Variants in RARRES1 observed in about 807,000 individuals in gnomAD.
RARRES1 encodes retinoic acid receptor responder protein 1.
In RARRES1, 34 loss-of-function variants were observed where a neutral mutation model predicts 30.6. The ratio of observed to expected loss-of-function variants is 1.11; its 90% confidence interval spans 0.84 to 1.48. The LOEUF (loss-of-function observed/expected upper bound fraction) is 1.48, where lower values mean the gene tolerates loss of function less well. Ranked by LOEUF, RARRES1 falls within the 40% of genes most tolerant of loss-of-function variation. The pLI is 0.00. For synonymous variants in RARRES1, 153 were observed against 155.5 expected, an observed-to-expected ratio of 0.98 and a Z score of 0.12; for missense variants, 373 against 386.5, an observed-to-expected ratio of 0.97 and a Z score of 0.29.
intron 4 of RARRES1, among the ~76,000 whole-genome samples, chr3:158,704,014 G>A (rs879897539): frequency 2.0e-5 from 3 of 151,792 alleles, no homozygotes; most frequent in Admixed American, 6.6e-5. Context: ...TTCCCCAATC[G>A]GTAAATGAAA....
intron 1 of RARRES1, among the ~76,000 whole-genome samples, chr3:158,728,536 G>GTTTTTTTTTT (rs1553746148): frequency 6.4e-5 from 9 of 141,716 alleles, no homozygotes; most frequent in African/African-American, 2.2e-4. Flanking sequence ...TTTTTTTTTG[G>GTTTTTTTTTT]TTTTTGAGAC....
chr3:158,713,717 A>C, intron 2 of RARRES1, 80 bp downstream of exon 2: 2 of 1,341,664 alleles, frequency 1.5e-6, no homozygotes, highest in African/African-American at 1.5e-5. Flanking sequence ...AGATCACTAT[A>C]TATTAAGATT....
chr3:158,732,264 T>C lies in RARRES1; in HGVS notation c.152A>G (p.Asp51Gly), dbSNP rs1727931732. The C allele has an allele frequency of 1.5e-6, 2 of 1,366,886 alleles. No individual in the cohort carries two copies. The highest frequency in any genetic ancestry group is 1.9e-6 in the Non-Finnish European group (2 of 1,070,466). 84.7% of individuals were successfully genotyped at this position (1,366,886 alleles called of 1,614,324 possible). The change falls in exon 1 of 6, where the codon GAT (aspartate) becomes GGT (glycine). Residue 51 changes from aspartate to glycine, a missense_variant. Transcript: ENST00000237696. Reference sequence around the variant, plus strand: ...CAGGAGCCTGCGCGGGACCCCAGCATCCTGAGGCTGCCCAGGGTCGTCGGG... The same window carrying C: ...CAGGAGCCTGCGCGGGACCCCAGCACCCTGAGGCTGCCCAGGGTCGTCGGG... ...GDPDDPGQPQ[D>G]AGVPRRLLQQ...
At chr3:158,714,626 G>A (rs910834447) in intron 1 of RARRES1, among the ~76,000 whole-genome samples, 1 of 152,228 alleles carries the variant, frequency 6.6e-6, no homozygotes. Flanking sequence ...TAAAACTGTT[G>A]AATTGATTTC....
intron 3 of RARRES1, among the ~76,000 whole-genome samples, chr3:158,708,704 G>T (rs186458250): frequency 1.8e-3 from 267 of 151,352 alleles, no homozygotes; most frequent in Non-Finnish European, 2.8e-3. Flanking sequence ...TCGCTCTGTT[G>T]CCCAGGCTGG....
At chr3:158,730,638 G>A (rs1008120916) in intron 1 of RARRES1, among the ~76,000 whole-genome samples, 1 of 151,874 alleles carries the variant, frequency 6.6e-6, no homozygotes, top group African/African-American at 2.4e-5. Context: ...TTTTGGCAGA[G>A]ATGGTACTTT....
Position 158,732,284 on chromosome 3 carries a change from G to C in RARRES1, c.132C>G (p.Asp44Glu). The C allele has an allele frequency of 7.4e-7, 1 of 1,349,096 alleles. No individual in the cohort carries two copies. The highest frequency in any genetic ancestry group is 9.4e-7 in the Non-Finnish European group (1 of 1,061,006). 83.6% of individuals were successfully genotyped at this position (1,349,096 alleles called of 1,614,324 possible). The change falls in exon 1 of 6, where the codon GAC (aspartate) becomes GAG (glutamate). Residue 44 changes from aspartate (D) to glutamate (E), a missense_variant. By Grantham distance (45) the Asp-to-Glu change is conservative. Coordinates refer to ENST00000237696, the MANE Select transcript of RARRES1 (RefSeq NM_206963.2). ...VAAPAGSGDP[D>E]DPGQPQDAGV... is the part of the protein sequence containing the mutation. ...CAGCATCCTGAGGCTGCCCAGGGTC[G>C]TCGGGGTCCCCGGACCCCGCGGGCG...
At chr3:158,728,142 T>G (rs1002479700) in intron 1 of RARRES1, among the ~76,000 whole-genome samples, 8 of 152,102 alleles carry the variant, frequency 5.3e-5, no homozygotes, top group Admixed American at 2.6e-4. Context: ...CTGAAACACA[T>G]TTGGAGACAC....
rs7609656 is a variant in RARRES1 at position 158,732,362 on chromosome 3, C to T, written c.54G>A (p.Pro18=). 267,839 of 1,465,298 alleles carry T rather than the reference C, an allele frequency of 0.18. 26,097 individuals are homozygous for T. Among genetic ancestry groups the T allele is most frequent in the African/African-American group, 0.29 (19,317 of 67,652 alleles). 90.8% of individuals were successfully genotyped at this position (1,465,298 alleles called of 1,614,324 possible). The change falls in exon 1 of 6, where the codon CCG becomes CCA. Residue 18 remains proline, a synonymous_variant. Coordinates refer to ENST00000237696, the MANE Select transcript of RARRES1 (RefSeq NM_206963.2). The part of the protein sequence containing the change: ...LPAPWSGPRG[P]RPTAPLLALL... ...GCGCGAGCAGCGGGGCGGTGGGGCG[C>T]GGGCCCCTGGGCCCGGACCAGGGAG...
intron 5 of RARRES1, 29 bp from the exon 6 acceptor site, chr3:158,697,856 A>G: frequency 1.3e-6 from 2 of 1,594,704 alleles, no homozygotes; most frequent in Non-Finnish European, 1.7e-6. Flanking sequence ...AAATATTATA[A>G]TCTGCAAAAA....
chr3:158,723,749 G>A lies in RARRES1; in HGVS notation c.276+8391C>T, dbSNP rs1019386238. Among the ~76,000 whole-genome samples the A allele has an allele frequency of 7.9e-5, 12 of 152,134 alleles. No homozygotes were observed. The highest frequency in any genetic ancestry group is 1.6e-4 in the Non-Finnish European group (11 of 68,030). The stretch of plus-strand genomic sequence containing the variant: ...CCAGGTCCCCTCTGGCCTCAGGTGG[G>A]GATAATCAGAAAAGGCTGGTTGAGA... On this transcript the variant is annotated intron_variant, in intron 1 of 5. Transcript: ENST00000237696. The surrounding 1 kb of genome is among the most constrained non-coding windows in gnomAD (Gnocchi z 4.4).
intron 4 of RARRES1, among the ~76,000 whole-genome samples, chr3:158,703,087 C>T (rs1292565463): frequency 6.6e-6 from 1 of 152,210 alleles, no homozygotes; most frequent in Non-Finnish European, 1.5e-5. Flanking sequence ...CAGCTTGCCT[C>T]TCTAATAATC....
intron 4 of RARRES1, chr3:158,704,583 A>T (rs1007001427): frequency 1.6e-6 from 1 of 620,732 alleles, no homozygotes; most frequent in Admixed American, 3.9e-5. Flanking sequence ...ATTAATCTCA[A>T]TGAGGGCAGC....
In RARRES1 at chr3:158,697,377, C is replaced by T. The variant is rs10276; in HGVS notation, c.*301G>A. ...ATTTTTTGCAGTTAAAAAAAAAATG[C>T]TGATTCTGGTGCAACATACACTGAT... On this transcript the variant is annotated 3_prime_UTR_variant, in exon 6 of 6. Coordinates refer to ENST00000237696, the MANE Select transcript of RARRES1 (RefSeq NM_206963.2). 0.16 allele frequency: 34,423 copies of T among 220,076 alleles called. 2,929 individuals carry two copies. The highest frequency in any genetic ancestry group is 0.22 in the South Asian group (1,358 of 6,218). 13.6% of individuals were successfully genotyped at this position (220,076 alleles called of 1,614,324 possible).
chr3:158,704,753 A>ATT, intron 4 of RARRES1, 38 bp downstream of exon 4: 2 of 1,601,082 alleles, frequency 1.2e-6, no homozygotes, highest in South Asian at 2.2e-5. Flanking sequence ...TTTGATTGTA[A>ATT]CTCTTGTGGC....
intron 2 of RARRES1, among the ~76,000 whole-genome samples, chr3:158,712,455 T>C (rs1305500016): frequency 1.3e-5 from 2 of 152,182 alleles, no homozygotes; most frequent in Non-Finnish European, 2.9e-5. Flanking sequence ...TTTCTAAAAC[T>C]ACCTCAAAAA....
intron 1 of RARRES1, among the ~76,000 whole-genome samples, chr3:158,728,536 G>GTTTTTTTTTTTTTTTTTTTTTTTTT (rs1553746148): frequency 1.4e-5 from 2 of 141,692 alleles, no homozygotes; most frequent in Non-Finnish European, 3.0e-5. Context: ...TTTTTTTTTG[G>GTTTTTTTTTTTTTTTTTTTTTTTTT]TTTTTGAGAC....
At chr3:158,705,038 A>C in intron 3 of RARRES1, 111 bp from the exon 4 acceptor site, 8 of 1,366,700 alleles carry the variant, frequency 5.9e-6, no homozygotes, top group South Asian at 1.5e-5. Flanking sequence ...CATCTCTCTC[A>C]CAGCAAGACC....
intron 4 of RARRES1, among the ~76,000 whole-genome samples, chr3:158,699,877 T>C (rs1157513331): frequency 6.6e-6 from 1 of 152,108 alleles, no homozygotes; most frequent in Non-Finnish European, 1.5e-5. Flanking sequence ...TGAGGGTGTG[T>C]TTAGCCTTGT....
Sources: gnomAD v4.1 joint callset for allele counts (sites outside exome capture counted in the v4.1 genomes callset) on GRCh38, gnomAD v4.1.1 for gene constraint, Gnocchi (gnomAD v3.1) non-coding constraint, MANE v1.5 for transcripts, NCBI Gene and HGNC (gene_info 2026-07-23, HGNC 2026-07-21) for gene names.